The following ADA2 variants were observed in gnomAD, a reference collection of about 807,000 sequenced individuals.
ADA2 encodes adenosine deaminase 2, also known as adenosine deaminase CECR1.
Under a neutral mutation model 44.2 loss-of-function variants are expected in ADA2, and 29 were observed. The ratio of observed to expected loss-of-function variants is 0.66; its 90% confidence interval spans 0.49 to 0.89. ADA2 has a LOEUF of 0.89. Among genes scored for constraint, ADA2 ranks in the 40% least tolerant of loss-of-function variants. The pLI, the probability that ADA2 is intolerant of heterozygous loss-of-function variation, is 0.00. For missense variants in ADA2, 637 were observed against 644.8 expected (o/e 0.99, Z 0.13); for synonymous variants, 215 against 234.9 (o/e 0.92, Z 0.77).
rs148936893 is a variant in ADA2 at position 17,203,564 on chromosome 22, G to A, written c.752C>T (p.Pro251Leu). 56 of 1,611,108 alleles carry A rather than the reference G, an allele frequency of 3.5e-5. No homozygotes were observed. Among genetic ancestry groups the A allele is most frequent in the Admixed American group, 6.7e-5 (4 of 59,998 alleles). ...LYMEIRARLL[P>L]VYELSGEHHD... ...AACAGAGAGGAGAGCTGGGCTCACC[G>A]GCAGCAGCCTGGCTCTGATCTCCAT... is the stretch of plus-strand genomic sequence containing the variant. Residue 251 changes from proline (P) to leucine (L), a missense_variant and splice_region_variant, in exon 4 of 10, where the codon CCG becomes CTG. Coordinates refer to ENST00000399837, the MANE Select transcript of ADA2 (RefSeq NM_001282225.2).
intron 4 of ADA2, chr22:17,199,850 GGGT>G (rs1229439965): frequency 1.0e-6 from 1 of 975,090 alleles, no homozygotes. Flanking sequence ...AGGCCGACGT[GGGT>G]GTATTTGCCT....
intron 7 of ADA2, among the ~76,000 whole-genome samples, chr22:17,183,506 G>C (rs1194046995): frequency 7.0e-6 from 1 of 142,736 alleles, no homozygotes; most frequent in Non-Finnish European, 1.5e-5. Flanking sequence ...TGTCGCCCAG[G>C]CTGGAATGCA....
intron 2 of ADA2, among the ~76,000 whole-genome samples, chr22:17,208,451 A>G (rs1452413492): frequency 1.3e-5 from 2 of 151,564 alleles, no homozygotes; most frequent in Non-Finnish European, 2.9e-5. Flanking sequence ...AAAAGAAAAA[A>G]AAAAAACAGG....
chr22:17,215,618 A>AG (rs201903575), intron 1 of ADA2, among the ~76,000 whole-genome samples: 1 of 151,514 alleles, frequency 6.6e-6, no homozygotes, highest in East Asian at 1.9e-4. Flanking sequence ...AAAAAAAAAA[A>AG]GAAAAAAGAA....
chr22:17,187,961 A>G (rs8137912), intron 7 of ADA2, among the ~76,000 whole-genome samples: 41,175 of 150,218 alleles, frequency 0.27, 5,856 homozygotes, highest in Non-Finnish European at 0.31. Flanking sequence ...AAAATTAGCC[A>G]GGCGTGGTGG....
intron 4 of ADA2, among the ~76,000 whole-genome samples, chr22:17,200,151 C>G (rs531345068): frequency 4.6e-5 from 7 of 151,940 alleles, no homozygotes; most frequent in Non-Finnish European, 8.8e-5. Flanking sequence ...GCCAAGATCA[C>G]GCCACTTTAC....
chr22:17,199,740 C>A lies in ADA2; in HGVS notation c.753+3823G>T, dbSNP rs570440439. ...AGCCACCCCTTACTACCTATTTGAC[C>A]TTCATCAAGCTCTTTGACCTTTCCA... is the stretch of plus-strand genomic sequence containing the variant. On this transcript the variant is annotated intron_variant, in intron 4 of 9. Coordinates refer to ENST00000399837, the MANE Select transcript of ADA2 (RefSeq NM_001282225.2). 1.9e-5 allele frequency: 28 copies of A among 1,481,062 alleles called. No individual in the cohort carries two copies. The South Asian group carries it at 3.4e-4, about 18-fold the overall frequency. 91.7% of individuals were successfully genotyped at this position (1,481,062 alleles called of 1,614,324 possible). A position where few individuals can be genotyped will look rare whatever the true frequency, so the allele number is the denominator to read the frequency against.
chr22:17,200,616 C>G (rs544537628), intron 4 of ADA2, among the ~76,000 whole-genome samples: 1 of 152,120 alleles, frequency 6.6e-6, no homozygotes, highest in African/African-American at 2.4e-5. Flanking sequence ...AGGAAAAGGC[C>G]GGGCATGGTG....
At chr22:17,183,273 C>T (rs2061993920) in intron 7 of ADA2, among the ~76,000 whole-genome samples, 1 of 151,882 alleles carries the variant, frequency 6.6e-6, no homozygotes, top group South Asian at 2.1e-4. Context: ...TTAGTAGAGA[C>T]AGGGTTTCAC....
chr22:17,209,131 C>T (rs140250588), intron 2 of ADA2, among the ~76,000 whole-genome samples: 93 of 152,200 alleles, frequency 6.1e-4, no homozygotes, highest in African/African-American at 2.2e-3. Flanking sequence ...AGTCTCAGGG[C>T]TGGATGCTTT....
intron 7 of ADA2, among the ~76,000 whole-genome samples, chr22:17,187,309 T>G (rs2062047157): frequency 6.6e-6 from 1 of 152,114 alleles, no homozygotes. Flanking sequence ...TGTGAGCCAC[T>G]GTACCTGGCT....
At chr22:17,197,963 G>A (rs1390657561) in intron 4 of ADA2, among the ~76,000 whole-genome samples, 2 of 151,934 alleles carry the variant, frequency 1.3e-5, no homozygotes, top group Non-Finnish European at 2.9e-5. Flanking sequence ...GCTTGAACCC[G>A]GGAGGCGGAG....
intron 4 of ADA2, chr22:17,192,969 C>T: frequency 1.6e-6 from 1 of 619,444 alleles, no homozygotes; most frequent in Non-Finnish European, 3.0e-6. Context: ...GTTCATCTGG[C>T]ACCGGTCTGA....
At chr22:17,193,200 C>G in intron 4 of ADA2, 1 of 1,248,168 alleles carries the variant, frequency 8.0e-7, no homozygotes, top group Non-Finnish European at 1.1e-6. Flanking sequence ...GTGCTGACAT[C>G]GCTCACAACG....
At chr22:17,208,830 A>G (rs2062384918) in intron 2 of ADA2, among the ~76,000 whole-genome samples, 1 of 134,146 alleles carries the variant, frequency 7.5e-6, no homozygotes, top group Non-Finnish European at 1.6e-5. Flanking sequence ...ATAAAAAAAA[A>G]AATTAACATT....
intron 4 of ADA2, among the ~76,000 whole-genome samples, chr22:17,195,590 G>A (rs890643377): frequency 2.0e-5 from 3 of 151,906 alleles, no homozygotes; most frequent in Non-Finnish European, 2.9e-5. Context: ...CAGTCTTGCC[G>A]TGTCGTCCAG....
chr22:17,202,950 A>T (rs2062308718), intron 4 of ADA2, among the ~76,000 whole-genome samples: 1 of 151,270 alleles, frequency 6.6e-6, no homozygotes, highest in Admixed American at 6.6e-5. Flanking sequence ...AATTTTTTGT[A>T]TTTTTAGTAG....
At chr22:17,220,148 G>A (rs1175812632), upstream of ADA2, among the ~76,000 whole-genome samples, 1 of 152,094 alleles carries the variant, frequency 6.6e-6, no homozygotes, top group Non-Finnish European at 1.5e-5. Flanking sequence ...TGTGGACTGT[G>A]GGGCAACCCA....
rs1418617941 is a variant in ADA2 at position 17,207,163 on chromosome 22, G to A, written c.450C>T (p.His150=). The A allele has an allele frequency of 6.2e-7, 1 of 1,614,240 alleles. No individual in the cohort carries two copies. The highest frequency in any genetic ancestry group is 1.1e-5 in the South Asian group (1 of 91,090). Residue 150 remains histidine, a synonymous_variant, in exon 3 of 10, where the codon CAC becomes CAT. Transcript: ENST00000399837. ...ATTTTTCTGATGGACGGGGAGTTGG[G>A]TGAGCAAATCTGAACTGCATGATCC... The part of the protein sequence containing the change: ...PRGIMQFRFA[H]PTPRPSEKCS...
Sources: gnomAD v4.1 joint callset for allele counts (sites outside exome capture counted in the v4.1 genomes callset) on GRCh38, gnomAD v4.1.1 for gene constraint, MANE v1.5 for transcripts, NCBI Gene and HGNC (gene_info 2026-07-23, HGNC 2026-07-21) for gene names.